GDE1: variants seen among roughly 807,000 people sequenced by gnomAD.
GDE1 encodes the protein RGS16-interacting membrane protein.
Under a neutral mutation model 32.2 loss-of-function variants are expected in GDE1, and 24 were observed. The observed-to-expected ratio is 0.75, with a 90% CI of 0.54 to 1.05. GDE1 has a LOEUF of 1.05. GDE1 is among the 50% of genes least tolerant of loss of function. The pLI, the probability that GDE1 is intolerant of heterozygous loss-of-function variation, is 0.00. For missense variants in GDE1, 380 were observed against 415.0 expected, an observed-to-expected ratio of 0.92 and a Z score of 0.73; for synonymous variants, 159 against 158.6, an observed-to-expected ratio of 1.00 and a Z score of -0.02.
At chr16:19,515,013 C>G (rs1201094413) in intron 2 of GDE1, among the ~76,000 whole-genome samples, 1 of 139,882 alleles carries the variant, frequency 7.1e-6, no homozygotes, top group African/African-American at 2.8e-5. Flanking sequence ...TTGCAGTGAG[C>G]CAAGATCATG....
rs1969182472 is a variant in GDE1, at chr16:19,502,120, A to G, written c.*1350T>C. On this transcript the variant is annotated 3_prime_UTR_variant, in exon 6 of 6. Transcript: ENST00000353258. The stretch of plus-strand genomic sequence containing the variant: ...GCAGTTTGGGGTCATGGGCTCAACA[A>G]TATAAAGGCAGATTCAGTGAGGGGT... 6.6e-6 allele frequency: 1 copy of G among 152,214 alleles called. No individual in the cohort carries two copies. The highest frequency in any genetic ancestry group is 1.5e-5 in the Non-Finnish European group (1 of 68,036). 9.4% of individuals were successfully genotyped at this position (152,214 alleles called of 1,614,324 possible).
At position 19,510,919 on chromosome 16, in the gene GDE1, G is replaced by C; in HGVS notation, c.463C>G (p.Pro155Ala). ...TCTGCAACAGCTTCCCTTAGGGTAG[G>C]GATCTTTTCATCAGGGAAATCATTC... ...LRNDFPDEKI[P>A]TLREAVAECL... The change falls in exon 3 of 6, where the codon CCT (proline) becomes GCT (alanine). Residue 155 changes from proline to alanine, a missense_variant. By Grantham distance (27) the Pro-to-Ala change is conservative. Transcript: ENST00000353258. 1 of 1,590,416 alleles carries C rather than the reference G, an allele frequency of 6.3e-7. No individual in the cohort carries two copies.
Position 19,504,912 on chromosome 16 carries a change from C to G in GDE1, c.817G>C (p.Ala273Pro). 1 of 1,612,910 alleles carries G rather than the reference C, an allele frequency of 6.2e-7. No individual in the cohort carries two copies. The highest frequency in any genetic ancestry group is 1.1e-5 in the South Asian group (1 of 90,878). Residue 273 changes from alanine to proline, a missense_variant, in exon 5 of 6, where the codon GCT becomes CCT. Physicochemically the swap from Ala to Pro is conservative, Grantham distance 27 (BLOSUM62 -1). Coordinates refer to ENST00000353258, the MANE Select transcript of GDE1 (RefSeq NM_016641.4). ...ACAAAATCCTTTTGCATGAGGAAAGCTGAAATTCCACACAGGTACCACAAG... is the reference window on the plus strand; with the variant it reads ...ACAAAATCCTTTTGCATGAGGAAAGGTGAAATTCCACACAGGTACCACAAG... ...NILWYLCGISAFLMQKDFVSP... is the reference protein window; with the variant it reads ...NILWYLCGISPFLMQKDFVSP...
chr16:19,514,225 C>A (rs1025189930), intron 2 of GDE1, among the ~76,000 whole-genome samples: 3 of 152,012 alleles, frequency 2.0e-5, no homozygotes, highest in African/African-American at 7.3e-5. Context: ...AACACGTTTA[C>A]AGGTTTATTA....
intron 2 of GDE1, 109 bp downstream of exon 2, chr16:19,516,905 A>C: frequency 1.0e-6 from 1 of 972,212 alleles, no homozygotes; most frequent in East Asian, 2.4e-5. Flanking sequence ...CGTACAGTTC[A>C]AAACAAAACA....
chr16:19,517,171 T>C lies in GDE1; in HGVS notation c.280A>G (p.Thr94Ala), dbSNP rs113471386. 6.2e-7 allele frequency: 1 copy of C among 1,613,670 alleles called. No individual in the cohort carries two copies. Among genetic ancestry groups the C allele is most frequent in the Non-Finnish European group, 8.5e-7 (1 of 1,179,602 alleles). ...AIRQAAKNGATGVELDIEFTS... is the reference protein window; with the variant it reads ...AIRQAAKNGAAGVELDIEFTS... ...AACTCAATGTCCAACTCCACGCCTG[T>C]TGCTCCATTCTTAGCTGCCTTAACA... The change falls in exon 2 of 6, where the codon ACA (threonine) becomes GCA (alanine). Residue 94 changes from threonine to alanine, a missense_variant. Coordinates refer to ENST00000353258, the MANE Select transcript of GDE1 (RefSeq NM_016641.4).
intron 5 of GDE1, chr16:19,504,502 G>C (rs565106352): frequency 5.9e-6 from 1 of 169,416 alleles, no homozygotes; most frequent in Non-Finnish European, 1.3e-5. Flanking sequence ...AGGTGGGGGA[G>C]TGCCTATAAC....
At chr16:19,506,213 C>T (rs550192227) in intron 4 of GDE1, among the ~76,000 whole-genome samples, 41 of 152,198 alleles carry the variant, frequency 2.7e-4, no homozygotes, top group African/African-American at 9.9e-4. Flanking sequence ...TAAGCCATAT[C>T]ATGGCATAAT....
chr16:19,521,612 G>T, intron 1 of GDE1, 92 bp downstream of exon 1: 1 of 1,411,300 alleles, frequency 7.1e-7, no homozygotes, highest in Non-Finnish European at 9.6e-7. Context: ...GAAGTGGGAA[G>T]GCCGTCCTGA....
At chr16:19,508,231 G>A (rs1969273079) in intron 3 of GDE1, among the ~76,000 whole-genome samples, 1 of 152,114 alleles carries the variant, frequency 6.6e-6, no homozygotes, top group Admixed American at 6.5e-5. Flanking sequence ...CTGAGAGGAC[G>A]CATTACCCAT....
chr16:19,520,640 G>A (rs896558986), intron 1 of GDE1, among the ~76,000 whole-genome samples: 4 of 151,332 alleles, frequency 2.6e-5, no homozygotes, highest in African/African-American at 9.7e-5. Context: ...CACGAGAATC[G>A]CTTGAACACG....
chr16:19,509,647 G>T (rs574785745), intron 3 of GDE1, among the ~76,000 whole-genome samples: 1 of 149,398 alleles, frequency 6.7e-6, no homozygotes, highest in East Asian at 2.0e-4. Flanking sequence ...GTATACTTAG[G>T]CTCCACATTT....
chr16:19,507,070 T>C (rs887395940), intron 4 of GDE1, among the ~76,000 whole-genome samples: 3 of 151,910 alleles, frequency 2.0e-5, no homozygotes, highest in Admixed American at 2.0e-4. Flanking sequence ...GCCTGGAAGG[T>C]CAAGAGTGCA....
Position 19,503,451 on chromosome 16 carries a change from T to A in GDE1, c.*19A>T, listed in dbSNP as rs372112650. On this transcript the variant is annotated 3_prime_UTR_variant, in exon 6 of 6. Coordinates refer to ENST00000353258, the MANE Select transcript of GDE1 (RefSeq NM_016641.4). ...GGCCCCTGGCAGTTTCTGAACCCGTTTCGTCCCACCGTGAAAGTCTAGAAG... is the reference window on the plus strand; with the variant it reads ...GGCCCCTGGCAGTTTCTGAACCCGTATCGTCCCACCGTGAAAGTCTAGAAG... 1.2e-4 allele frequency: 193 copies of A among 1,611,700 alleles called. No individual in the cohort carries two copies. The highest frequency in any genetic ancestry group is 1.6e-4 in the Non-Finnish European group (188 of 1,178,540).
chr16:19,517,866 C>T (rs1391911079), intron 1 of GDE1, among the ~76,000 whole-genome samples: 1 of 151,890 alleles, frequency 6.6e-6, no homozygotes, highest in African/African-American at 2.4e-5. Flanking sequence ...ATGTGAAATG[C>T]TCATTACGAT....
At position 19,503,222 on chromosome 16, in the gene GDE1, G is replaced by A. The variant is rs1969200917; in HGVS notation, c.*248C>T. The A allele has an allele frequency of 2.0e-6, 1 of 500,096 alleles. No homozygotes were observed. Among genetic ancestry groups the A allele is most frequent in the Non-Finnish European group, 3.6e-6 (1 of 277,240 alleles). The allele number at this position is 500,096 out of a possible 1,614,324, so 31.0% of individuals were successfully genotyped here. ...TCCCTGTGTGCCTCAGCTAGGGCAG[G>A]GCAGGGGCTCTTGTGCGTTTTTTCA... is the stretch of plus-strand genomic sequence containing the variant. On this transcript the variant is annotated 3_prime_UTR_variant, in exon 6 of 6. Coordinates refer to ENST00000353258, the MANE Select transcript of GDE1 (RefSeq NM_016641.4).
In GDE1 at chr16:19,522,078, A is replaced by G. The variant is rs2151451493; in HGVS notation, c.-114T>C. 3 of 1,112,250 alleles carry G rather than the reference A, an allele frequency of 2.7e-6. No individual in the cohort carries two copies. Among genetic ancestry groups the G allele is most frequent in the Non-Finnish European group, 3.7e-6 (3 of 802,286 alleles). 68.9% of individuals were successfully genotyped at this position (1,112,250 alleles called of 1,614,324 possible). On this transcript the variant is annotated 5_prime_UTR_variant, in exon 1 of 6. Coordinates refer to ENST00000353258, the MANE Select transcript of GDE1 (RefSeq NM_016641.4). Reference sequence around the variant, plus strand: ...CACCGGCAGCAGCAGGAACCCTCTGAGGGGACCAGCGCCGCACAATGGCGG... The same window carrying G: ...CACCGGCAGCAGCAGGAACCCTCTGGGGGGACCAGCGCCGCACAATGGCGG...
Position 19,503,513 on chromosome 16 carries a change from T to C in GDE1, c.953A>G (p.Tyr318Cys), listed in dbSNP as rs1436465969. The C allele has an allele frequency of 1.9e-6, 3 of 1,613,692 alleles. No homozygotes were observed. Among genetic ancestry groups the C allele is most frequent in the East Asian group, 2.2e-5 (1 of 44,892 alleles). Residue 318 changes from tyrosine (Y) to cysteine (C), a missense_variant, in exon 6 of 6, where the codon TAT (tyrosine) becomes TGT (cysteine). Transcript: ENST00000353258. Reference protein sequence around the residue: ...SYYESHLGSSYITDSMVEDCE... With the variant: ...SYYESHLGSSCITDSMVEDCE... ...GTCTTCTACCATGCTGTCAGTGATA[T>C]AGCTGGAACCAAGATGGGATTCGTA...
At chr16:19,509,945 C>T (rs1969296554) in intron 3 of GDE1, among the ~76,000 whole-genome samples, 1 of 151,942 alleles carries the variant, frequency 6.6e-6, no homozygotes. Flanking sequence ...GCCACTGCAC[C>T]CGGCCCATTT....
Sources: allele counts gnomAD v4.1 joint callset (sites outside exome capture counted in the v4.1 genomes callset), GRCh38; gene constraint gnomAD v4.1.1; transcripts MANE v1.5; gene names NCBI Gene and HGNC (gene_info 2026-07-23, HGNC 2026-07-21).